The following GARRE1 variants were observed in gnomAD, a reference collection of about 807,000 sequenced individuals.
The protein encoded by GARRE1 is granule associated Rac and RHOG effector 1.
In GARRE1, 49 loss-of-function variants were observed where a neutral mutation model predicts 103.2. The ratio of observed to expected loss-of-function variants is 0.47; its 90% CI spans 0.38 to 0.60. The LOEUF (loss-of-function observed/expected upper bound fraction) is 0.60. Among genes scored for constraint, GARRE1 ranks in the 20% least tolerant of loss-of-function variants. The probability of loss-of-function intolerance (pLI) is 0.00; values close to 1 mark genes in which losing one functional copy is unlikely to be tolerated. For missense variants in GARRE1, 1,199 were observed against 1,370.5 expected (o/e 0.87, Z 1.98); for synonymous variants, 505 against 532.8 (o/e 0.95, Z 0.72).
chr19:34,322,329 G>A (rs755151509), intron 3 of GARRE1, among the ~76,000 whole-genome samples: 3 of 151,634 alleles, frequency 2.0e-5, no homozygotes, highest in South Asian at 2.1e-4. Flanking sequence ...GCACCACGAC[G>A]CCTGGCTAAT....
chr19:34,304,528 A>T (rs1406790688), intron 2 of GARRE1, among the ~76,000 whole-genome samples: 2 of 151,444 alleles, frequency 1.3e-5, no homozygotes, highest in African/African-American at 4.9e-5. Flanking sequence ...GGCACGTGCC[A>T]CCACACCTGG....
At chr19:34,261,084 G>T (rs1274778015) in intron 1 of GARRE1, among the ~76,000 whole-genome samples, 1 of 152,112 alleles carries the variant, frequency 6.6e-6, no homozygotes, top group Non-Finnish European at 1.5e-5. Flanking sequence ...TGGCTGCAAG[G>T]GTCTCTCCCT....
At chr19:34,304,937 G>A (rs1055290935) in intron 2 of GARRE1, among the ~76,000 whole-genome samples, 2 of 151,746 alleles carry the variant, frequency 1.3e-5, no homozygotes, top group Admixed American at 6.6e-5. Flanking sequence ...GACTGCAGGC[G>A]CCCGCCACCA....
intron 7 of GARRE1, among the ~76,000 whole-genome samples, chr19:34,330,708 A>G (rs1568308327): frequency 6.7e-6 from 1 of 150,264 alleles, no homozygotes; most frequent in Admixed American, 6.6e-5. Flanking sequence ...AGCCTGGGCA[A>G]CATAGTGAGA....
Position 34,342,281 on chromosome 19 carries a change from G to A in GARRE1, c.2347G>A (p.Asp783Asn), listed in dbSNP as rs775044974. The A allele has an allele frequency of 5.0e-6, 8 of 1,614,066 alleles. No homozygotes were observed. The highest frequency in any genetic ancestry group is 2.7e-5 in the African/African-American group (2 of 74,916). The change falls in exon 10 of 14, where the codon GAT (aspartate) becomes AAT (asparagine). Residue 783 changes from aspartate to asparagine, a missense_variant. Transcript: ENST00000299505. Reference protein sequence around the residue: ...SPLGQWPGISDLSSDLYSLGL... With the variant: ...SPLGQWPGISNLSSDLYSLGL... ...TCTTGGTCAGTGGCCTGGCATATCTGATCTCAGTTCTGACTTGTACAGCTT... is the reference window on the plus strand; with the variant it reads ...TCTTGGTCAGTGGCCTGGCATATCTAATCTCAGTTCTGACTTGTACAGCTT...
chr19:34,332,329 A>G (rs111852632), intron 7 of GARRE1, among the ~76,000 whole-genome samples: 2 of 152,258 alleles, frequency 1.3e-5, no homozygotes, highest in African/African-American at 4.8e-5. Flanking sequence ...TAGTATATCG[A>G]TCCATATTCC....
intron 1 of GARRE1, among the ~76,000 whole-genome samples, chr19:34,264,485 G>A (rs1167274338): frequency 2.0e-5 from 3 of 151,896 alleles, no homozygotes; most frequent in African/African-American, 7.3e-5. Context: ...TGCAAGCTCT[G>A]CCTCCCCGGT....
intron 3 of GARRE1, among the ~76,000 whole-genome samples, chr19:34,326,160 C>T (rs2074110990): frequency 6.6e-6 from 1 of 152,206 alleles, no homozygotes; most frequent in Admixed American, 6.5e-5. Flanking sequence ...AAGAGTCAAA[C>T]AGTTTTAAAC....
chr19:34,275,415 A>AC (rs796623757), intron 1 of GARRE1, among the ~76,000 whole-genome samples: 1 of 145,876 alleles, frequency 6.9e-6, no homozygotes. Flanking sequence ...CCACACCCCC[A>AC]CCCCCAGCCT....
intron 2 of GARRE1, among the ~76,000 whole-genome samples, chr19:34,303,439 C>A (rs951566922): frequency 6.6e-6 from 1 of 152,190 alleles, no homozygotes; most frequent in East Asian, 1.9e-4. Flanking sequence ...AGTAACACAA[C>A]TAATTTTTAC....
intron 3 of GARRE1, among the ~76,000 whole-genome samples, chr19:34,322,807 C>G (rs1316810075): frequency 6.7e-6 from 1 of 149,298 alleles, no homozygotes; most frequent in Non-Finnish European, 1.5e-5. Flanking sequence ...AGGATGGTCT[C>G]AAACTCCTGA....
intron 1 of GARRE1, among the ~76,000 whole-genome samples, chr19:34,277,913 CA>C (rs1272299161): frequency 4.1e-5 from 4 of 96,670 alleles, no homozygotes; most frequent in African/African-American, 7.8e-5. Context: ...CCCCCCCCCC[CA>C]CCCCCAGCAG....
At chr19:34,288,663 C>T (rs2145229031) in intron 1 of GARRE1, among the ~76,000 whole-genome samples, 1 of 152,328 alleles carries the variant, frequency 6.6e-6, no homozygotes, top group Admixed American at 6.5e-5. Flanking sequence ...ACCTCAAAGC[C>T]AAAGGGCTTT....
At position 34,263,718 on chromosome 19, in the gene GARRE1, C is replaced by T. The variant is rs138822101; in HGVS notation, c.-796+9104C>T. 1.2e-4 allele frequency among the ~76,000 whole-genome samples: 19 copies of T among 152,260 alleles called. No homozygotes were observed. The East Asian group carries it at 3.5e-3, about 28-fold the overall frequency. On this transcript the variant is annotated intron_variant, in intron 1 of 13. Coordinates refer to ENST00000299505, the MANE Select transcript of GARRE1 (RefSeq NM_014686.5). ...GCCAGGTTGGTCTCGAACTCCTGACCTCAAGTGATCCATCCACCTCGGCCT... is the reference window on the plus strand; with the variant it reads ...GCCAGGTTGGTCTCGAACTCCTGACTTCAAGTGATCCATCCACCTCGGCCT...
At chr19:34,301,334 C>T (rs1324425533) in intron 2 of GARRE1, among the ~76,000 whole-genome samples, 1 of 151,808 alleles carries the variant, frequency 6.6e-6, no homozygotes, top group African/African-American at 2.4e-5. Context: ...TTACTTTTAG[C>T]TGTTCAGAGA....
intron 1 of GARRE1, among the ~76,000 whole-genome samples, chr19:34,267,495 C>A (rs112220562): frequency 6.6e-6 from 1 of 151,568 alleles, no homozygotes; most frequent in Non-Finnish European, 1.5e-5. Flanking sequence ...TATGAGCCAC[C>A]GTGCCCAGCC....
chr19:34,293,744 A>ACACATATT (rs71165642), intron 1 of GARRE1, among the ~76,000 whole-genome samples: 1 of 121,082 alleles, frequency 8.3e-6, no homozygotes. Flanking sequence ...ACACACACAC[A>ACACATATT]TATTTCTTTT....
chr19:34,284,490 AAATG>A (rs2073874843), intron 1 of GARRE1, among the ~76,000 whole-genome samples: 1 of 152,230 alleles, frequency 6.6e-6, no homozygotes, highest in Non-Finnish European at 1.5e-5. Flanking sequence ...CTAATTGTAG[AAATG>A]AATATTTTAA....
At chr19:34,324,954 A>G (rs1437530858) in intron 3 of GARRE1, among the ~76,000 whole-genome samples, 3 of 152,226 alleles carry the variant, frequency 2.0e-5, no homozygotes, top group African/African-American at 7.2e-5. Context: ...AGCTTGCTGA[A>G]ATCTGGCTTC....
Sources: gnomAD v4.1 joint callset for allele counts (sites outside exome capture counted in the v4.1 genomes callset) on GRCh38, gnomAD v4.1.1 for gene constraint, MANE v1.5 for transcripts, NCBI Gene and HGNC (gene_info 2026-07-23, HGNC 2026-07-21) for gene names.